The following DGAT2L6 variants were observed in gnomAD, a reference collection of about 807,000 sequenced individuals.
DGAT2L6 encodes diacylglycerol O-acyltransferase 2 like 6.
A neutral mutation model predicts 25.5 loss-of-function variants in DGAT2L6; 22 were observed. That is an observed-to-expected ratio of 0.86 (90% CI 0.62 to 1.23). The LOEUF is 1.23. Among genes scored for constraint, DGAT2L6 ranks in the 50% most tolerant of loss-of-function variants. DGAT2L6 has a pLI of 0.00. For synonymous variants in DGAT2L6, 100 were observed against 94.7 expected (o/e 1.06, Z -0.32); for missense variants, 287 against 253.2 (o/e 1.13, Z -0.91).
At chrX:70,186,556 G>A (rs747980886) in intron 1 of DGAT2L6, among the ~76,000 whole-genome samples, 1 of 111,700 alleles carries the variant, frequency 9.0e-6, no homozygotes, top group South Asian at 3.7e-4. Context: ...GGTCGGGCCC[G>A]TTTCCCATAC....
chrX:70,192,913 A>C (rs1457398385), intron 1 of DGAT2L6, among the ~76,000 whole-genome samples: 1 of 112,195 alleles, frequency 8.9e-6, no homozygotes, highest in Non-Finnish European at 1.9e-5. Flanking sequence ...ACCATGAACA[A>C]TCATATGCCA....
chrX:70,183,134 G>A (rs1211553698), intron 1 of DGAT2L6, among the ~76,000 whole-genome samples: 1 of 112,488 alleles, frequency 8.9e-6, no homozygotes. Flanking sequence ...AATAGTCAGT[G>A]GTTTCCCATT....
Position 70,199,333 on chromosome X carries a change from G to A in DGAT2L6, c.148G>A (p.Val50Met), listed in dbSNP as rs1404997081. 1.7e-6 allele frequency: 2 copies of A among 1,196,117 alleles called. No homozygotes were observed. Among genetic ancestry groups the A allele is most frequent in the South Asian group, 3.7e-5 (2 of 54,503 alleles). Reference protein sequence around the residue: ...LLFSKFWPLAVLSLAWLTYDW... With the variant: ...LLFSKFWPLAMLSLAWLTYDW... ...ATTCAGTAAGTTCTGGCCCTTGGCT[G>A]TGCTCTCCTTAGCCTGGCTCACCTA... The change falls in exon 2 of 7, where the codon GTG becomes ATG. Residue 50 changes from valine (V) to methionine (M), a missense_variant. Coordinates refer to ENST00000333026, the MANE Select transcript of DGAT2L6 (RefSeq NM_198512.3).
chrX:70,185,503 G>A (rs756128518), intron 1 of DGAT2L6, among the ~76,000 whole-genome samples: 5 of 111,828 alleles, frequency 4.5e-5, no homozygotes, highest in Middle Eastern at 4.6e-3. Context: ...TCTGTAAAAC[G>A]AGATAATAAA....
chrX:70,202,064 G>T lies in DGAT2L6; in HGVS notation c.647G>T (p.Gly216Val). ...KGFVKMALQTGAYLVPSYSFG... is the reference protein window; with the variant it reads ...KGFVKMALQTVAYLVPSYSFG... The stretch of plus-strand genomic sequence containing the variant: ...TTTGTGAAGATGGCACTGCAAACAG[G>T]GTGGGTTCCAAGGTTCTAGTGCTCT... The change falls in exon 5 of 7, where the codon GGG (glycine) becomes GTG (valine). Residue 216 changes from glycine (G) to valine (V), a missense_variant and splice_region_variant. Physicochemically the swap from Gly to Val is moderately radical, Grantham distance 109. Coordinates refer to ENST00000333026, the MANE Select transcript of DGAT2L6 (RefSeq NM_198512.3). 3 of 1,183,804 alleles carry T rather than the reference G, an allele frequency of 2.5e-6. No individual in the cohort carries two copies. Among genetic ancestry groups the T allele is most frequent in the East Asian group, 3.0e-5 (1 of 32,837 alleles).
chrX:70,198,977 C>T (rs1418492202), intron 1 of DGAT2L6, among the ~76,000 whole-genome samples: 1 of 112,274 alleles, frequency 8.9e-6, no homozygotes, highest in African/African-American at 3.2e-5. Flanking sequence ...CCAATGTGCT[C>T]TTCTTCCCAT....
intron 1 of DGAT2L6, among the ~76,000 whole-genome samples, chrX:70,187,652 A>G (rs1318899950): frequency 8.9e-6 from 1 of 112,413 alleles, no homozygotes; most frequent in Non-Finnish European, 1.9e-5. Context: ...ATTGATAGAG[A>G]CAGACTTGCA....
At chrX:70,188,889 T>C (rs1292382989) in intron 1 of DGAT2L6, among the ~76,000 whole-genome samples, 2 of 105,622 alleles carry the variant, frequency 1.9e-5, no homozygotes, top group Non-Finnish European at 3.9e-5. Flanking sequence ...TCATATCAAT[T>C]GACAAACTTC....
In DGAT2L6 at chrX:70,204,258, C is replaced by T. The variant is rs183391954; in HGVS notation, c.648-47C>T. The T allele has an allele frequency of 2.4e-4, 266 of 1,102,639 alleles. No homozygotes were observed. In the South Asian group the frequency reaches 3.2e-3, roughly 13 times the overall value. 90.9% of individuals were successfully genotyped at this position (1,102,639 alleles called of 1,213,427 possible). Reference sequence around the variant, plus strand: ...TTTCCCACCTTGGAGAGGATTTTTCCGGGGATCTTCCTCAGAGAGCTCACA... The same window carrying T: ...TTTCCCACCTTGGAGAGGATTTTTCTGGGGATCTTCCTCAGAGAGCTCACA... On this transcript the variant is annotated intron_variant, in intron 5 of 6. Coordinates refer to ENST00000333026, the MANE Select transcript of DGAT2L6 (RefSeq NM_198512.3).
intron 1 of DGAT2L6, among the ~76,000 whole-genome samples, chrX:70,182,811 G>C (rs1330277335): frequency 3.6e-5 from 4 of 111,681 alleles, no homozygotes; most frequent in African/African-American, 1.3e-4. Flanking sequence ...CCGCCACGAT[G>C]CCCGGCTAAG....
chrX:70,182,506 G>A (rs1438373504), intron 1 of DGAT2L6, among the ~76,000 whole-genome samples: 7 of 70,823 alleles, frequency 9.9e-5, no homozygotes, highest in African/African-American at 4.8e-4. Context: ...TTGAGACGGA[G>A]TCTTACTCTG....
intron 1 of DGAT2L6, among the ~76,000 whole-genome samples, chrX:70,190,512 C>T (rs2085372623): frequency 8.9e-6 from 1 of 111,820 alleles, no homozygotes; most frequent in African/African-American, 3.3e-5. Context: ...GAAATAGCCT[C>T]ATCCCCCTGT....
intron 4 of DGAT2L6, among the ~76,000 whole-genome samples, chrX:70,200,731 C>T (rs777360020): frequency 3.6e-5 from 4 of 111,287 alleles, no homozygotes; most frequent in Admixed American, 9.5e-5. Context: ...GAATTCAGGA[C>T]CAATGCCAAA....
intron 1 of DGAT2L6, among the ~76,000 whole-genome samples, chrX:70,184,404 T>C (rs1373996156): frequency 9.0e-6 from 1 of 110,949 alleles, no homozygotes; most frequent in Non-Finnish European, 1.9e-5. Flanking sequence ...CTTTATTACA[T>C]CTTCAGGAAG....
At chrX:70,200,951 T>C (rs1334260899) in intron 4 of DGAT2L6, among the ~76,000 whole-genome samples, 1 of 111,912 alleles carries the variant, frequency 8.9e-6, no homozygotes, top group African/African-American at 3.3e-5. Flanking sequence ...TTTATCTCCC[T>C]GGAACCCCTT....
At chrX:70,197,334 C>T (rs1419247579) in intron 1 of DGAT2L6, among the ~76,000 whole-genome samples, 2 of 111,701 alleles carry the variant, frequency 1.8e-5, no homozygotes, top group Non-Finnish European at 3.8e-5. Context: ...ACACTGATGA[C>T]ACTCGGGCTG....
chrX:70,203,998 G>C (rs1272801403), intron 5 of DGAT2L6, among the ~76,000 whole-genome samples: 1 of 111,165 alleles, frequency 9.0e-6, no homozygotes, highest in African/African-American at 3.3e-5. Flanking sequence ...AGGAGCTCTG[G>C]AAGAGTTTGA....
Position 70,188,976 on chromosome X carries a change from C to CAA in DGAT2L6, c.86-10277_86-10276dup, listed in dbSNP as rs200306182. ...TCCTCAACCTGATAAAGGGCATCTA[C>CAA]AAAAAAAAAAAAAAAAAAACCCTAC... On this transcript the variant is annotated intron_variant, in intron 1 of 6. Coordinates refer to ENST00000333026, the MANE Select transcript of DGAT2L6 (RefSeq NM_198512.3). 2.7e-3 allele frequency among the ~76,000 whole-genome samples: 114 copies of CAA among 42,268 alleles called. No individual in the cohort carries two copies. The Middle Eastern group carries it at 0.083, about 31-fold the overall frequency. The allele number at this position is 42,268 out of a possible 115,157, so 36.7% of individuals were successfully genotyped here.
At chrX:70,178,977 T>G (rs375568488) in intron 1 of DGAT2L6, among the ~76,000 whole-genome samples, 6 of 112,671 alleles carry the variant, frequency 5.3e-5, no homozygotes, top group African/African-American at 1.9e-4. Flanking sequence ...TCTGGTTATT[T>G]AATGCATACA....
Sources: gnomAD v4.1 joint callset for allele counts (sites outside exome capture counted in the v4.1 genomes callset) on GRCh38, gnomAD v4.1.1 for gene constraint, MANE v1.5 for transcripts, NCBI Gene and HGNC (gene_info 2026-07-23, HGNC 2026-07-21) for gene names.